Variants in SH3GL2 observed in about 807,000 individuals in gnomAD.
The protein encoded by SH3GL2 is SH3 domain containing GRB2 like 2, endophilin A1.
SH3GL2 carries 24 observed loss-of-function variants against 46.0 expected under a neutral mutation model. The ratio of observed to expected loss-of-function variants is 0.52; its 90% CI spans 0.38 to 0.73. The LOEUF (loss-of-function observed/expected upper bound fraction) is 0.73. SH3GL2 is among the 30% of genes least tolerant of loss of function. The probability of loss-of-function intolerance (pLI) is 0.00; values close to 1 mark genes in which losing one functional copy is unlikely to be tolerated. For missense variants in SH3GL2, 413 were observed against 424.2 expected, an observed-to-expected ratio of 0.97 and a Z score of 0.23; for synonymous variants, 196 against 147.1, an observed-to-expected ratio of 1.33 and a Z score of -2.40.
rs929749010 is a variant in SH3GL2 at position 17,763,624 on chromosome 9, C to A, written c.187+2115C>A. 3.3e-5 allele frequency among the ~76,000 whole-genome samples: 5 copies of A among 152,194 alleles called. No individual in the cohort carries two copies. In the East Asian group the frequency reaches 5.8e-4, roughly 18 times the overall value. Reference sequence around the variant, plus strand: ...TTGCCGACACCTTGATTTCAGACTTCCGGTATGCTGAACTGTGAGGGAATC... The same window carrying A: ...TTGCCGACACCTTGATTTCAGACTTACGGTATGCTGAACTGTGAGGGAATC... On this transcript the variant is annotated intron_variant, in intron 3 of 8. Coordinates refer to ENST00000380607, the MANE Select transcript of SH3GL2 (RefSeq NM_003026.5).
chr9:17,675,325 C>A (rs1820578670), intron 1 of SH3GL2, among the ~76,000 whole-genome samples: 1 of 152,160 alleles, frequency 6.6e-6, no homozygotes, highest in East Asian at 1.9e-4. Flanking sequence ...ATAAATAACT[C>A]AAGTATACAG....
At chr9:17,695,602 GCCTTCTGACTTTC>G in intron 1 of SH3GL2, among the ~76,000 whole-genome samples, 1 of 152,030 alleles carries the variant, frequency 6.6e-6, no homozygotes. Flanking sequence ...CTCGCCTGGG[GCCTTCTGACTTTC>G]TCTGTAAAAA....
In SH3GL2 at chr9:17,614,571, C is replaced by G. The variant is rs191142559; in HGVS notation, c.45+35284C>G. 1.2e-3 allele frequency among the ~76,000 whole-genome samples: 180 copies of G among 152,242 alleles called. 1 individual carries two copies. The highest frequency in any genetic ancestry group is 3.9e-3 in the African/African-American group (162 of 41,538). On this transcript the variant is annotated intron_variant, in intron 1 of 8. Transcript: ENST00000380607. Reference sequence around the variant, plus strand: ...GGGAAAAGGGCAGGCACCCAACATTCTATGAGAACTTCCATGTGTCAGAGA... The same window carrying G: ...GGGAAAAGGGCAGGCACCCAACATTGTATGAGAACTTCCATGTGTCAGAGA...
intron 1 of SH3GL2, among the ~76,000 whole-genome samples, chr9:17,678,847 T>C (rs1473757989): frequency 6.6e-6 from 1 of 152,200 alleles, no homozygotes. Context: ...GCTTTCTCCA[T>C]ATGGCTAGCC....
chr9:17,689,878 C>A (rs1821027108), intron 1 of SH3GL2, among the ~76,000 whole-genome samples: 1 of 152,050 alleles, frequency 6.6e-6, no homozygotes, highest in Non-Finnish European at 1.5e-5. Context: ...CTTCTTATCC[C>A]ACTAGAATTA....
At chr9:17,654,169 T>C (rs1472685121) in intron 1 of SH3GL2, among the ~76,000 whole-genome samples, 1 of 152,118 alleles carries the variant, frequency 6.6e-6, no homozygotes, top group African/African-American at 2.4e-5. Flanking sequence ...AAAACCAGAT[T>C]GGAAAAACTG....
chr9:17,780,532 A>G (rs1159504016), intron 3 of SH3GL2, among the ~76,000 whole-genome samples: 2 of 144,122 alleles, frequency 1.4e-5, no homozygotes, highest in Non-Finnish European at 3.0e-5. Flanking sequence ...CACATTGTGC[A>G]GGTTAGTTAC....
chr9:17,762,670 A>G (rs1823212373), intron 3 of SH3GL2, among the ~76,000 whole-genome samples: 1 of 152,242 alleles, frequency 6.6e-6, no homozygotes. Flanking sequence ...GTGATAAGCT[A>G]TAGGAACCAG....
chr9:17,774,542 G>A (rs149859073), intron 3 of SH3GL2, among the ~76,000 whole-genome samples: 17 of 141,888 alleles, frequency 1.2e-4, no homozygotes, highest in East Asian at 3.9e-4. Flanking sequence ...TGAGATGATC[G>A]TGTGTGTGGT....
At chr9:17,790,191 A>G (rs954507357) in intron 6 of SH3GL2, among the ~76,000 whole-genome samples, 1 of 152,104 alleles carries the variant, frequency 6.6e-6, no homozygotes, top group African/African-American at 2.4e-5. Context: ...TCTGCTTTTT[A>G]TTCTATCTGG....
intron 1 of SH3GL2, among the ~76,000 whole-genome samples, chr9:17,738,909 G>C (rs1588289535): frequency 6.6e-6 from 1 of 152,178 alleles, no homozygotes; most frequent in Non-Finnish European, 1.5e-5. Flanking sequence ...ACAGATTGTA[G>C]ATGTTAACCA....
intron 1 of SH3GL2, among the ~76,000 whole-genome samples, chr9:17,679,480 T>C (rs1588231644): frequency 6.6e-6 from 1 of 152,352 alleles, no homozygotes; most frequent in Admixed American, 6.5e-5. Context: ...ATTGATTTTG[T>C]ATCCTGAGAC....
At chr9:17,771,294 C>G (rs924726716) in intron 3 of SH3GL2, among the ~76,000 whole-genome samples, 2 of 152,194 alleles carry the variant, frequency 1.3e-5, no homozygotes, top group African/African-American at 2.4e-5. Context: ...CCACCAAAGA[C>G]TGAAGATATC....
chr9:17,747,027 CTG>C (rs774932613), intron 1 of SH3GL2, 37 bp from the exon 2 acceptor site: 24 of 1,348,896 alleles, frequency 1.8e-5, no homozygotes, highest in South Asian at 3.7e-5. Flanking sequence ...TTTAAAGAAA[CTG>C]TTTATAATAA....
At chr9:17,680,489 T>G (rs1820738700) in intron 1 of SH3GL2, among the ~76,000 whole-genome samples, 2 of 152,176 alleles carry the variant, frequency 1.3e-5, no homozygotes, top group Admixed American at 1.3e-4. Flanking sequence ...CCTTTATCAT[T>G]TTTTATTGCG....
intron 1 of SH3GL2, among the ~76,000 whole-genome samples, chr9:17,618,144 C>T (rs1389384544): frequency 6.6e-6 from 1 of 152,212 alleles, no homozygotes; most frequent in East Asian, 1.9e-4. Context: ...TGCTTTCCTG[C>T]TAAAGGGGAT....
chr9:17,585,876 T>C (rs1818367372), intron 1 of SH3GL2, among the ~76,000 whole-genome samples: 1 of 152,206 alleles, frequency 6.6e-6, no homozygotes, highest in Non-Finnish European at 1.5e-5. Context: ...GGAGACAACA[T>C]GTGAAGTTTT....
intron 1 of SH3GL2, among the ~76,000 whole-genome samples, chr9:17,641,459 A>G (rs532760945): frequency 6.6e-6 from 1 of 152,290 alleles, no homozygotes; most frequent in South Asian, 2.1e-4. Context: ...TTTTTATTAT[A>G]CTTTAAGTTC....
intron 1 of SH3GL2, 103 bp downstream of exon 1, chr9:17,579,390 A>G: frequency 3.2e-6 from 2 of 632,654 alleles, no homozygotes; most frequent in Non-Finnish European, 2.3e-6. Context: ...TTCGGCACCG[A>G]GCCTCGCCCG....
Sources: allele counts gnomAD v4.1 joint callset (sites outside exome capture counted in the v4.1 genomes callset), GRCh38; gene constraint gnomAD v4.1.1; transcripts MANE v1.5; gene names NCBI Gene and HGNC (gene_info 2026-07-23, HGNC 2026-07-21).